CALM2: variants seen among roughly 807,000 people sequenced by gnomAD.
CALM2 encodes calmodulin 2, also known as calmodulin-2.
In CALM2, 2 loss-of-function variants were observed where a neutral mutation model predicts 19.8. The ratio of observed to expected loss-of-function variants is 0.10; its 90% CI spans 0.04 to 0.32. The LOEUF is 0.32. Among genes scored for constraint, CALM2 ranks in the 10% least tolerant of loss-of-function variants. The probability of loss-of-function intolerance (pLI) is 1.00; values close to 1 mark genes in which losing one functional copy is unlikely to be tolerated. For missense variants in CALM2, 38 were observed against 178.7 expected, an observed-to-expected ratio of 0.21 and a Z score of 4.49; for synonymous variants, 51 against 52.1, an observed-to-expected ratio of 0.98 and a Z score of 0.09.
At chr2:47,168,985 C>T in intron 2 of CALM2, among the ~76,000 whole-genome samples, 1 of 152,078 alleles carries the variant, frequency 6.6e-6, no homozygotes, top group Non-Finnish European at 1.5e-5. Context: ...ACCACGTTGG[C>T]CAGGCTGGTC....
intron 1 of CALM2, chr2:47,172,225 G>A (rs550194609): frequency 1.3e-5 from 4 of 304,162 alleles, no homozygotes; most frequent in African/African-American, 2.2e-5. Flanking sequence ...TCAGTTTATT[G>A]CATTTTGCAG....
rs147707721 is a variant in CALM2, at chr2:47,168,701, T to C, written c.34+2033A>G. On this transcript the variant is annotated intron_variant, in intron 2 of 5. Transcript: ENST00000272298. ...TGCACTCCAGCCTGGGCAACAAGAG[T>C]GAAACTGTCTCAAAATAAATTAAAA... 5.8e-3 allele frequency among the ~76,000 whole-genome samples: 883 copies of C among 151,268 alleles called. 11 individuals carry two copies. The highest frequency in any genetic ancestry group is 0.019 in the African/African-American group (797 of 41,182).
intron 2 of CALM2, among the ~76,000 whole-genome samples, chr2:47,166,279 A>AAGGAC (rs1437305133): frequency 1.3e-5 from 2 of 152,200 alleles, no homozygotes; most frequent in East Asian, 3.8e-4. Flanking sequence ...AAGAAAATTA[A>AAGGAC]AGGACTTTGA....
chr2:47,164,273 C>A (rs1666381191), intron 2 of CALM2, among the ~76,000 whole-genome samples: 1 of 134,366 alleles, frequency 7.4e-6, no homozygotes, highest in South Asian at 2.4e-4. Context: ...AAAAGAAACC[C>A]CGTCTCTACT....
chr2:47,175,081 G>GTTTTTTTGTTTT, intron 1 of CALM2, among the ~76,000 whole-genome samples: 1 of 77,944 alleles, frequency 1.3e-5, no homozygotes, highest in African/African-American at 9.2e-5. Context: ...CTCATTAGGT[G>GTTTTTTTGTTTT]TTTTTTTTTT....
chr2:47,172,132 C>A (rs560583888), intron 1 of CALM2: 176 of 27,016 alleles, frequency 6.5e-3, no homozygotes, highest in African/African-American at 9.0e-3. Context: ...TGAAGTCAGT[C>A]ACAGATTGTT....
chr2:47,162,839 T>G (rs1687197328), intron 2 of CALM2, 177 bp from the exon 3 acceptor site: 1 of 517,968 alleles, frequency 1.9e-6, no homozygotes, highest in Non-Finnish European at 3.4e-6. Flanking sequence ...CAAAAACTTT[T>G]AACGGAAAAA....
chr2:47,172,706 A>G (rs1316867164), intron 1 of CALM2: 1 of 278,040 alleles, frequency 3.6e-6, no homozygotes, highest in Non-Finnish European at 7.1e-6. Flanking sequence ...GCTAAAAAAA[A>G]GTTGAGCTAA....
rs751897252 is a variant in CALM2 at position 47,175,097 on chromosome 2, T to TTTTTC, written c.3+1343_3+1344insGAAAA. On this transcript the variant is annotated intron_variant, in intron 1 of 5. Transcript: ENST00000272298. The stretch of plus-strand genomic sequence containing the variant: ...TCATTAGGTGTTTTTTTTTTTTTTT[T>TTTTTC]TCAGGAAAGAACATGATCTCCCAGT... 7.9e-5 allele frequency among the ~76,000 whole-genome samples: 10 copies of TTTTTC among 126,654 alleles called. 1 individual carries two copies. Among genetic ancestry groups the TTTTTC allele is most frequent in the African/African-American group, 2.7e-4 (7 of 25,514 alleles). The allele number at this position is 126,654 out of a possible 152,430, so 83.1% of individuals were successfully genotyped here.
chr2:47,175,473 A>T (rs1666823816), intron 1 of CALM2, among the ~76,000 whole-genome samples: 1 of 152,222 alleles, frequency 6.6e-6, no homozygotes, highest in Non-Finnish European at 1.5e-5. Context: ...GTAGAACCCT[A>T]GCTGGAGCCG....
At chr2:47,163,831 A>C (rs1666349070) in intron 2 of CALM2, 1 of 152,466 alleles carries the variant, frequency 6.6e-6, no homozygotes, top group African/African-American at 2.4e-5. Flanking sequence ...AGATAAACTA[A>C]AACAAGCCAG....
chr2:47,176,772 G>A (rs1050604800), upstream of CALM2: 3 of 985,338 alleles, frequency 3.0e-6, no homozygotes, highest in Middle Eastern at 5.2e-4. Flanking sequence ...GCGCTACTTT[G>A]CGGCGCGGAG....
Position 47,167,814 on chromosome 2 carries a change from C to CTTTTTTTTTTTTTTTTTT in CALM2, c.34+2919_34+2920insAAAAAAAAAAAAAAAAAA. 149 of 96,456 alleles carry CTTTTTTTTTTTTTTTTTT rather than the reference C, an allele frequency of 1.5e-3. 26 individuals are homozygous for CTTTTTTTTTTTTTTTTTT. The highest frequency in any genetic ancestry group is 7.1e-3 in the African/African-American group (127 of 17,906). The allele number at this position is 96,456 out of a possible 1,614,324, so 6.0% of individuals were successfully genotyped here. On this transcript the variant is annotated intron_variant, in intron 2 of 5. Transcript: ENST00000272298. ...AAAAAAAAAAATTTTTTTTTCTTTTCTTTGAGACAGGGTCTTGCTGTGTTG... is the reference window on the plus strand; with the variant it reads ...AAAAAAAAAAATTTTTTTTTCTTTTCTTTTTTTTTTTTTTTTTTTTTGAGACAGGGTCTTGCTGTGTTG...
chr2:47,174,370 A>G (rs1261534291), intron 1 of CALM2, among the ~76,000 whole-genome samples: 1 of 152,080 alleles, frequency 6.6e-6, no homozygotes, highest in Non-Finnish European at 1.5e-5. Flanking sequence ...CTCCTGCCTC[A>G]GCCCATTGAC....
chr2:47,164,448 C>T (rs1342927998), intron 2 of CALM2, among the ~76,000 whole-genome samples: 1 of 149,916 alleles, frequency 6.7e-6, no homozygotes, highest in East Asian at 2.0e-4. Flanking sequence ...AACACACACA[C>T]AAGCTGGGTG....
chr2:47,169,598 CTAAGTT>C (rs1468409014), intron 2 of CALM2, among the ~76,000 whole-genome samples: 1 of 152,110 alleles, frequency 6.6e-6, no homozygotes, highest in East Asian at 1.9e-4. Context: ...AAAGTAAAAA[CTAAGTT>C]TAAGTCAAAT....
chr2:47,165,987 C>T (rs1666457282), intron 2 of CALM2, among the ~76,000 whole-genome samples: 1 of 152,160 alleles, frequency 6.6e-6, no homozygotes, highest in Non-Finnish European at 1.5e-5. Context: ...ACAATTGCCT[C>T]CTAACTGCAT....
At chr2:47,174,801 G>A (rs1042663640) in intron 1 of CALM2, among the ~76,000 whole-genome samples, 13 of 151,982 alleles carry the variant, frequency 8.6e-5, no homozygotes, top group African/African-American at 2.9e-4. Flanking sequence ...ACATATGCCT[G>A]TAACTACATC....
At chr2:47,176,725 C>A (rs898958065), upstream of CALM2, 1 of 1,376,664 alleles carries the variant, frequency 7.3e-7, no homozygotes, top group Non-Finnish European at 9.4e-7. Context: ...TCATTTCCAG[C>A]GAGCCGTTAA....
Sources: allele counts gnomAD v4.1 joint callset (sites outside exome capture counted in the v4.1 genomes callset), GRCh38; gene constraint gnomAD v4.1.1; transcripts MANE v1.5; gene names NCBI Gene and HGNC (gene_info 2026-07-23, HGNC 2026-07-21).